FRMD7: variants seen among roughly 807,000 people sequenced by gnomAD.
FRMD7 encodes FERM domain containing 7.
Under a neutral mutation model 44.1 loss-of-function variants are expected in FRMD7, and 14 were observed. The observed-to-expected ratio is 0.32, with a 90% CI of 0.21 to 0.50. The LOEUF is 0.50. Ranked by LOEUF, FRMD7 falls within the 20% of genes least tolerant of loss-of-function variation. The pLI, the probability that FRMD7 is intolerant of heterozygous loss-of-function variation, is 0.99. For synonymous variants in FRMD7, 212 were observed against 187.4 expected (o/e 1.13, Z -1.07); for missense variants, 501 against 522.3 (o/e 0.96, Z 0.40).
chrX:132,079,989 A>G lies in FRMD7; in HGVS notation c.1050+17T>C. ...ATTACATTTATCTAAAGAAGTAGAA[A>G]TTTTCAGAAACCTTACTTGTTTTGA... On this transcript the variant is annotated intron_variant, in intron 11 of 11. Transcript: ENST00000298542. The G allele has an allele frequency of 1.8e-6, 2 of 1,111,281 alleles. No homozygotes were observed. The highest frequency in any genetic ancestry group is 1.8e-5 in the South Asian group (1 of 54,778). The allele number at this position is 1,111,281 out of a possible 1,213,427, so 91.6% of individuals were successfully genotyped here.
intron 1 of FRMD7, among the ~76,000 whole-genome samples, chrX:132,118,179 C>T (rs1318354825): frequency 1.8e-5 from 2 of 111,050 alleles, no homozygotes; most frequent in Non-Finnish European, 3.8e-5. Context: ...TTGGAATGAA[C>T]GCATCTACTT....
intron 5 of FRMD7, among the ~76,000 whole-genome samples, chrX:132,092,582 CAA>C (rs1928210743): frequency 8.9e-6 from 1 of 111,824 alleles, no homozygotes; most frequent in South Asian, 3.7e-4. Context: ...TACTGACAGA[CAA>C]TATCCTCTAG....
chrX:132,083,347 A>G (rs765558285), intron 8 of FRMD7, among the ~76,000 whole-genome samples: 1 of 111,505 alleles, frequency 9.0e-6, no homozygotes, highest in Non-Finnish European at 1.9e-5. Flanking sequence ...GCATATTCTA[A>G]TCTTGGCTTT....
intron 1 of FRMD7, among the ~76,000 whole-genome samples, chrX:132,113,969 A>G (rs1478229093): frequency 1.2e-5 from 1 of 83,761 alleles, no homozygotes; most frequent in Non-Finnish European, 2.2e-5. Context: ...TCTGGTAACC[A>G]TGTTACCTGA....
intron 1 of FRMD7, among the ~76,000 whole-genome samples, chrX:132,113,651 C>T (rs1387909180): frequency 9.0e-6 from 1 of 111,081 alleles, no homozygotes; most frequent in Non-Finnish European, 1.9e-5. Flanking sequence ...TTTTAATTTA[C>T]GTGGGTACAT....
Position 132,078,343 on chromosome X carries a change from G to A in FRMD7, c.1674C>T (p.Ser558=), listed in dbSNP as rs369003419. Residue 558 remains serine, a synonymous_variant, in exon 12 of 12, where the codon AGC becomes AGT. Transcript: ENST00000298542. The part of the protein sequence containing the change: ...QVLQEAIART[S]GRSNINVGLE... ...GACCTACATTGATGTTGCTCCTACC[G>A]CTAGTCCTGGCTATAGCTTCTTGGA... The A allele has an allele frequency of 2.9e-5, 35 of 1,209,291 alleles. No individual in the cohort carries two copies. The African/African-American group carries it at 4.0e-4, about 14-fold the overall frequency.
chrX:132,091,825 A>AC (rs1301658131), intron 5 of FRMD7, among the ~76,000 whole-genome samples: 2 of 111,257 alleles, frequency 1.8e-5, no homozygotes, highest in African/African-American at 6.5e-5. Flanking sequence ...ATAGCGTGAG[A>AC]CCCCATCTCA....
chrX:132,109,949 A>G (rs1218857437), intron 1 of FRMD7, among the ~76,000 whole-genome samples: 1 of 110,969 alleles, frequency 9.0e-6, no homozygotes, highest in Non-Finnish European at 1.9e-5. Flanking sequence ...TTGTTGTGGC[A>G]TGTGAAGCCA....
intron 1 of FRMD7, among the ~76,000 whole-genome samples, chrX:132,102,435 G>T (rs1017211600): frequency 1.0e-5 from 1 of 95,763 alleles, no homozygotes; most frequent in African/African-American, 4.2e-5. Flanking sequence ...AAGAAAAGGG[G>T]GTCAGTTCCC....
intron 1 of FRMD7, among the ~76,000 whole-genome samples, chrX:132,116,717 G>T (rs1248678186): frequency 9.0e-6 from 1 of 111,494 alleles, no homozygotes. Context: ...ATGCATGTGG[G>T]GCTTAATACG....
chrX:132,106,013 A>T (rs1047269075), intron 1 of FRMD7, among the ~76,000 whole-genome samples: 12 of 112,158 alleles, frequency 1.1e-4, no homozygotes, highest in African/African-American at 3.9e-4. Flanking sequence ...GACAAGTGAG[A>T]TCTAATTAAA....
At chrX:132,118,557 C>G (rs1386801477) in intron 1 of FRMD7, among the ~76,000 whole-genome samples, 1 of 111,827 alleles carries the variant, frequency 8.9e-6, no homozygotes, top group African/African-American at 3.2e-5. Context: ...ACCCTGTTCT[C>G]CCAGTGCGCA....
At chrX:132,092,834 G>A (rs137912273) in intron 5 of FRMD7, among the ~76,000 whole-genome samples, 46 of 111,499 alleles carry the variant, frequency 4.1e-4, no homozygotes, top group Non-Finnish European at 7.4e-4. Context: ...TGGACATGAC[G>A]GTTAGTGTCC....
intron 7 of FRMD7, 70 bp from the exon 8 acceptor site, chrX:132,084,655 G>A (rs1424349432): frequency 4.7e-6 from 3 of 634,785 alleles, no homozygotes; most frequent in Non-Finnish European, 8.0e-6. Flanking sequence ...GTGCAAACCT[G>A]ATAGAAAATG....
chrX:132,107,730 T>C (rs1928683547), intron 1 of FRMD7, among the ~76,000 whole-genome samples: 1 of 111,039 alleles, frequency 9.0e-6, no homozygotes, highest in Non-Finnish European at 1.9e-5. Flanking sequence ...CTAAAAGTCC[T>C]ATCTAAATAA....
intron 1 of FRMD7, among the ~76,000 whole-genome samples, chrX:132,114,822 C>T (rs1928862751): frequency 8.9e-6 from 1 of 112,409 alleles, no homozygotes; most frequent in African/African-American, 3.2e-5. Context: ...TCTTGCCAAG[C>T]TCCACCTTTG....
chrX:132,124,400 AG>A (rs1929106009), intron 1 of FRMD7, among the ~76,000 whole-genome samples: 1 of 111,987 alleles, frequency 8.9e-6, no homozygotes, highest in African/African-American at 3.2e-5. Flanking sequence ...GACAATGATC[AG>A]TTTATGAAAT....
intron 1 of FRMD7, among the ~76,000 whole-genome samples, chrX:132,117,359 TTTTA>T (rs970986785): frequency 3.6e-5 from 4 of 111,841 alleles, no homozygotes; most frequent in Admixed American, 9.5e-5. Context: ...CAGCAACTGT[TTTTA>T]TTTATTATTT....
At chrX:132,097,411 ACACACACACACACACACC>A in intron 3 of FRMD7, 67 bp from the exon 4 acceptor site, 1 of 608,664 alleles carries the variant, frequency 1.6e-6, no homozygotes, top group Non-Finnish European at 2.9e-6. Context: ...GTACACACAC[ACACACACACACACACACC>A]CACACACACA....
Sources: gnomAD v4.1 joint callset for allele counts (sites outside exome capture counted in the v4.1 genomes callset) on GRCh38, gnomAD v4.1.1 for gene constraint, MANE v1.5 for transcripts, NCBI Gene and HGNC (gene_info 2026-07-23, HGNC 2026-07-21) for gene names.